GTF2H1: variants seen among roughly 807,000 people sequenced by gnomAD.
GTF2H1 encodes the protein general transcription factor IIH subunit 1.
GTF2H1 carries 16 observed loss-of-function variants against 71.2 expected under a neutral mutation model. The observed-to-expected ratio is 0.22, with a 90% CI of 0.15 to 0.34. The LOEUF is 0.34. Among genes scored for constraint, GTF2H1 ranks in the 10% least tolerant of loss-of-function variants. The pLI is 1.00. For missense variants in GTF2H1, 498 were observed against 648.2 expected, an observed-to-expected ratio of 0.77 and a Z score of 2.52; for synonymous variants, 215 against 219.0, an observed-to-expected ratio of 0.98 and a Z score of 0.16.
chr11:18,337,617 G>C (rs576961445), intron 3 of GTF2H1, among the ~76,000 whole-genome samples: 3 of 151,860 alleles, frequency 2.0e-5, no homozygotes, highest in Non-Finnish European at 4.4e-5. Context: ...ATAACAGTAC[G>C]ATAATTAAAC....
At chr11:18,349,203 A>G (rs1865371651) in intron 9 of GTF2H1, among the ~76,000 whole-genome samples, 1 of 152,200 alleles carries the variant, frequency 6.6e-6, no homozygotes, top group Non-Finnish European at 1.5e-5. Context: ...CTATTTCAGT[A>G]ACTTAATGTT....
Position 18,358,636 on chromosome 11 carries a change from A to G in GTF2H1, c.1463A>G (p.Glu488Gly), listed in dbSNP as rs776212652. Residue 488 changes from glutamate (E) to glycine (G), a missense_variant, in exon 13 of 15, where the codon GAA (glutamate) becomes GGA (glycine). By Grantham distance (98) the Glu-to-Gly change is moderately conservative. Coordinates refer to ENST00000265963, the MANE Select transcript of GTF2H1 (RefSeq NM_005316.4). ...CCTGTTAATACGCCATTCCTAGAAGAAAAGGTTAGAACCAGTTCTGAAGAC... is the reference window on the plus strand; with the variant it reads ...CCTGTTAATACGCCATTCCTAGAAGGAAAGGTTAGAACCAGTTCTGAAGAC... Reference protein sequence around the residue: ...CFPVNTPFLEEKVVKMKSNLE... With the variant: ...CFPVNTPFLEGKVVKMKSNLE... The G allele has an allele frequency of 2.5e-6, 4 of 1,579,732 alleles. No individual in the cohort carries two copies. The highest frequency in any genetic ancestry group is 3.5e-6 in the Non-Finnish European group (4 of 1,148,892).
At chr11:18,336,757 A>AT (rs10652759) in intron 3 of GTF2H1, among the ~76,000 whole-genome samples, 67,546 of 145,714 alleles carry the variant, frequency 0.46, 16,230 homozygotes, top group East Asian at 0.84. Context: ...AATAATGAGA[A>AT]TTTTTTTTTT....
At chr11:18,325,278 G>C (rs1864735139) in intron 1 of GTF2H1, among the ~76,000 whole-genome samples, 1 of 152,196 alleles carries the variant, frequency 6.6e-6, no homozygotes, top group South Asian at 2.1e-4. Context: ...CCTTATCACT[G>C]TTGCCTTTTA....
intron 1 of GTF2H1, among the ~76,000 whole-genome samples, chr11:18,328,058 C>G (rs1389905089): frequency 6.6e-6 from 1 of 151,900 alleles, no homozygotes; most frequent in Non-Finnish European, 1.5e-5. Context: ...AAAAATTAGC[C>G]AGCCATGGTG....
chr11:18,334,944 T>C (rs562222833), intron 2 of GTF2H1, among the ~76,000 whole-genome samples: 1 of 152,360 alleles, frequency 6.6e-6, no homozygotes, highest in African/African-American at 2.4e-5. Flanking sequence ...TTGTGGTTTT[T>C]GGTTTATTTT....
chr11:18,333,004 C>A, intron 1 of GTF2H1, 56 bp from the exon 2 acceptor site: 2 of 1,250,150 alleles, frequency 1.6e-6, no homozygotes, highest in Non-Finnish European at 2.2e-6. Context: ...TCAACAAATT[C>A]AACCCTAATT....
At chr11:18,346,023 C>T (rs1253659039) in intron 7 of GTF2H1, among the ~76,000 whole-genome samples, 1 of 151,912 alleles carries the variant, frequency 6.6e-6, no homozygotes, top group Non-Finnish European at 1.5e-5. Flanking sequence ...ATCTCCTGAC[C>T]TCATGATCCA....
intron 7 of GTF2H1, among the ~76,000 whole-genome samples, chr11:18,342,577 T>C (rs1865186123): frequency 6.6e-6 from 1 of 152,114 alleles, no homozygotes; most frequent in Admixed American, 6.6e-5. Context: ...ATTTTCAATT[T>C]ATACTTTGAT....
rs577015251 is a variant in GTF2H1, at chr11:18,344,105, G to A, written c.837+2498G>A. ...CTCCTAAAGTGCTGAGATTACAGGC[G>A]TGAACCATTGCAGCCAGCCATGTTT... On this transcript the variant is annotated intron_variant, in intron 7 of 14. Coordinates refer to ENST00000265963, the MANE Select transcript of GTF2H1 (RefSeq NM_005316.4). 4.4e-4 allele frequency among the ~76,000 whole-genome samples: 67 copies of A among 152,122 alleles called. No individual in the cohort carries two copies. In the South Asian group the frequency reaches 0.013, roughly 30 times the overall value.
chr11:18,354,369 TG>T (rs1284820180), intron 11 of GTF2H1, among the ~76,000 whole-genome samples: 1 of 152,244 alleles, frequency 6.6e-6, no homozygotes, highest in Non-Finnish European at 1.5e-5. Context: ...ACATATCTTG[TG>T]GAGCTGTACT....
At chr11:18,355,355 G>A (rs918724514) in intron 11 of GTF2H1, among the ~76,000 whole-genome samples, 1 of 151,414 alleles carries the variant, frequency 6.6e-6, no homozygotes, top group African/African-American at 2.4e-5. Flanking sequence ...GTGTTAGCCA[G>A]GATGGTCTCG....
chr11:18,346,137 C>T (rs989598716), intron 7 of GTF2H1, among the ~76,000 whole-genome samples: 2 of 152,154 alleles, frequency 1.3e-5, no homozygotes, highest in Non-Finnish European at 2.9e-5. Flanking sequence ...CTCACCAATT[C>T]CTGGACCACC....
chr11:18,342,178 A>G (rs1430811940), intron 7 of GTF2H1, among the ~76,000 whole-genome samples: 2 of 150,432 alleles, frequency 1.3e-5, no homozygotes, highest in Non-Finnish European at 3.0e-5. Flanking sequence ...CTAGGCCAGA[A>G]CTTGTCTTCC....
intron 7 of GTF2H1, among the ~76,000 whole-genome samples, chr11:18,345,157 C>T (rs933448900): frequency 1.3e-5 from 2 of 151,768 alleles, no homozygotes; most frequent in Admixed American, 6.6e-5. Flanking sequence ...CACCACTGCA[C>T]TCCAGCCTGG....
At chr11:18,334,524 A>G (rs1225433646) in intron 2 of GTF2H1, among the ~76,000 whole-genome samples, 1 of 152,246 alleles carries the variant, frequency 6.6e-6, no homozygotes, top group Non-Finnish European at 1.5e-5. Flanking sequence ...AGCTTTGTGT[A>G]ATACACACGC....
intron 11 of GTF2H1, among the ~76,000 whole-genome samples, chr11:18,355,258 T>C (rs2133984514): frequency 6.6e-6 from 1 of 151,936 alleles, no homozygotes; most frequent in African/African-American, 2.4e-5. Flanking sequence ...TTCTCCTGCC[T>C]CAGCCTCTGG....
chr11:18,334,550 C>T (rs1864979962), intron 2 of GTF2H1, among the ~76,000 whole-genome samples: 3 of 152,202 alleles, frequency 2.0e-5, no homozygotes, highest in South Asian at 4.1e-4. Flanking sequence ...GTGATAACCA[C>T]AGTGTACAAT....
At chr11:18,329,957 A>G (rs1247437717) in intron 1 of GTF2H1, among the ~76,000 whole-genome samples, 1 of 152,222 alleles carries the variant, frequency 6.6e-6, no homozygotes. Flanking sequence ...CTGTGGTGAT[A>G]GAAATCAGAG....
Sources: allele counts gnomAD v4.1 joint callset (sites outside exome capture counted in the v4.1 genomes callset), GRCh38; gene constraint gnomAD v4.1.1; transcripts MANE v1.5; gene names NCBI Gene and HGNC (gene_info 2026-07-23, HGNC 2026-07-21).